CHN1: variants seen among roughly 807,000 people sequenced by gnomAD.
CHN1 encodes N-chimaerin.
In CHN1, 37 loss-of-function variants were observed where a neutral mutation model predicts 59.5. The observed-to-expected ratio is 0.62, with a 90% confidence interval of 0.48 to 0.82. The LOEUF is 0.82. Among genes scored for constraint, CHN1 ranks in the 40% least tolerant of loss-of-function variants. The pLI is 0.00. For synonymous variants in CHN1, 206 were observed against 200.4 expected, an observed-to-expected ratio of 1.03 and a Z score of -0.24; for missense variants, 469 against 571.0, an observed-to-expected ratio of 0.82 and a Z score of 1.82.
chr2:174,824,564 G>A (rs376801503), intron 7 of CHN1, 46 bp from the exon 8 acceptor site: 15 of 1,225,292 alleles, frequency 1.2e-5, no homozygotes, highest in Admixed American at 1.0e-4. Flanking sequence ...GGAAACACAC[G>A]GATGAGAAGA....
At chr2:174,954,936 G>A (rs979605438) in intron 1 of CHN1, among the ~76,000 whole-genome samples, 13 of 151,946 alleles carry the variant, frequency 8.6e-5, no homozygotes, top group Admixed American at 7.2e-4. Flanking sequence ...TTCCACTCCT[G>A]GGTATCTACC....
chr2:174,862,868 G>C (rs1460046133), intron 6 of CHN1, among the ~76,000 whole-genome samples: 1 of 152,140 alleles, frequency 6.6e-6, no homozygotes, highest in Non-Finnish European at 1.5e-5. Flanking sequence ...GTAGTAAGCT[G>C]AGCTAGCACT....
chr2:174,953,509 C>T lies in CHN1; in HGVS notation c.20-1307G>A, dbSNP rs116707918. On this transcript the variant is annotated intron_variant, in intron 1 of 12. Coordinates refer to ENST00000409900, the MANE Select transcript of CHN1 (RefSeq NM_001822.7). ...TGTTGTTGTTTGCTGATGACATGAT[C>T]GCACACCTAGAAAACCCTAAATACT... 6.8e-3 allele frequency among the ~76,000 whole-genome samples: 1,032 copies of T among 152,140 alleles called. 15 individuals carry two copies. The highest frequency in any genetic ancestry group is 0.024 in the African/African-American group (980 of 41,502).
intron 3 of CHN1, among the ~76,000 whole-genome samples, chr2:174,924,390 T>C (rs1199959243): frequency 6.6e-6 from 1 of 152,200 alleles, no homozygotes; most frequent in Non-Finnish European, 1.5e-5. Context: ...TAGTCTCTTA[T>C]CTCTATCACC....
intron 5 of CHN1, among the ~76,000 whole-genome samples, chr2:174,896,762 T>A (rs944482588): frequency 1.3e-5 from 2 of 152,188 alleles, no homozygotes; most frequent in African/African-American, 4.8e-5. Flanking sequence ...TCAATGGTTA[T>A]GGGTGTTGGT....
chr2:175,004,858 C>T (rs949744555), intron 1 of CHN1, 36 bp downstream of exon 1: 2 of 1,357,132 alleles, frequency 1.5e-6, no homozygotes, highest in Non-Finnish European at 1.9e-6. Context: ...GGGACGCGGC[C>T]CACCTGCGGC....
At chr2:174,841,717 T>TTCCAAGTAA (rs1686308624) in intron 7 of CHN1, among the ~76,000 whole-genome samples, 1 of 152,148 alleles carries the variant, frequency 6.6e-6, no homozygotes, top group African/African-American at 2.4e-5. Flanking sequence ...CAAGTAAAAT[T>TTCCAAGTAA]ATTTAAAGGA....
At chr2:174,854,086 AG>A (rs1356810685) in intron 6 of CHN1, among the ~76,000 whole-genome samples, 1 of 152,214 alleles carries the variant, frequency 6.6e-6, no homozygotes, top group African/African-American at 2.4e-5. Flanking sequence ...AAAAATGTAA[AG>A]TACTATGTTA....
chr2:174,948,658 CA>C (rs1689921987), intron 2 of CHN1, among the ~76,000 whole-genome samples: 1 of 152,126 alleles, frequency 6.6e-6, no homozygotes, highest in Non-Finnish European at 1.5e-5. Context: ...GATAGAAAAA[CA>C]AAACACACTA....
intron 6 of CHN1, 120 bp downstream of exon 6, chr2:174,877,720 T>C (rs2105333439): frequency 1.3e-6 from 1 of 787,022 alleles, no homozygotes; most frequent in Non-Finnish European, 1.9e-6. Context: ...AACTAGACAT[T>C]AAGAAAAATG....
At chr2:174,927,930 A>T (rs1231775341) in intron 3 of CHN1, among the ~76,000 whole-genome samples, 1 of 152,200 alleles carries the variant, frequency 6.6e-6, no homozygotes, top group African/African-American at 2.4e-5. Flanking sequence ...TTTTCAGGTA[A>T]CAGTCTAGAG....
At chr2:174,861,257 A>T (rs1687060191) in intron 6 of CHN1, among the ~76,000 whole-genome samples, 1 of 152,164 alleles carries the variant, frequency 6.6e-6, no homozygotes, top group Non-Finnish European at 1.5e-5. Flanking sequence ...GAATGTATGG[A>T]ATATACATAA....
chr2:174,867,248 C>T (rs1020299808), intron 6 of CHN1, among the ~76,000 whole-genome samples: 17 of 151,742 alleles, frequency 1.1e-4, no homozygotes, highest in East Asian at 1.9e-4. Flanking sequence ...TGGTGGTGCA[C>T]GCCTATAGTC....
At chr2:174,875,082 C>T (rs1347961999) in intron 6 of CHN1, among the ~76,000 whole-genome samples, 1 of 151,882 alleles carries the variant, frequency 6.6e-6, no homozygotes, top group Non-Finnish European at 1.5e-5. Flanking sequence ...CCATGTTGGC[C>T]AGGCAGGTCT....
At chr2:174,895,237 C>T (rs981852037) in intron 5 of CHN1, among the ~76,000 whole-genome samples, 17 of 150,844 alleles carry the variant, frequency 1.1e-4, no homozygotes, top group Non-Finnish European at 2.5e-4. Context: ...CACACACACA[C>T]ACAATGGAGT....
chr2:174,908,056 G>T (rs1484141911), intron 5 of CHN1, among the ~76,000 whole-genome samples: 2 of 152,118 alleles, frequency 1.3e-5, no homozygotes, highest in Non-Finnish European at 2.9e-5. Context: ...GCATTCTCTG[G>T]AATATGTCCA....
intron 3 of CHN1, among the ~76,000 whole-genome samples, chr2:174,940,007 T>A (rs1689609211): frequency 6.6e-6 from 1 of 152,026 alleles, no homozygotes; most frequent in Non-Finnish European, 1.5e-5. Context: ...AATAGAGAAA[T>A]AATTATTACT....
intron 5 of CHN1, among the ~76,000 whole-genome samples, chr2:174,891,607 C>T (rs1014991521): frequency 6.7e-5 from 10 of 150,210 alleles, no homozygotes; most frequent in African/African-American, 1.2e-4. Context: ...AAAAACACAA[C>T]GTACTTTTGG....
intron 3 of CHN1, among the ~76,000 whole-genome samples, chr2:174,940,295 G>A (rs1035522953): frequency 1.3e-5 from 2 of 152,224 alleles, no homozygotes; most frequent in South Asian, 2.1e-4. Context: ...CCAAAGTGCC[G>A]AGATTATAGG....
Sources: gnomAD v4.1 joint callset for allele counts (sites outside exome capture counted in the v4.1 genomes callset) on GRCh38, gnomAD v4.1.1 for gene constraint, MANE v1.5 for transcripts, NCBI Gene and HGNC (gene_info 2026-07-23, HGNC 2026-07-21) for gene names.